The following FASTKD1 variants were observed in gnomAD, a reference collection of about 807,000 sequenced individuals.
FASTKD1 encodes FAST kinase domains 1.
In FASTKD1, 94 loss-of-function variants were observed where a neutral mutation model predicts 90.9. That is an observed-to-expected ratio of 1.03 (90% CI 0.88 to 1.23). The LOEUF is 1.23. FASTKD1 is among the 50% of genes most tolerant of loss of function. The pLI is 0.00. For missense variants in FASTKD1, 945 were observed against 993.5 expected, an observed-to-expected ratio of 0.95 and a Z score of 0.66; for synonymous variants, 319 against 345.8, an observed-to-expected ratio of 0.92 and a Z score of 0.86.
intron 5 of FASTKD1, among the ~76,000 whole-genome samples, chr2:169,558,226 C>CA (rs1216896161): frequency 1.3e-5 from 2 of 152,046 alleles, no homozygotes; most frequent in African/African-American, 4.8e-5. Context: ...TACTTGGTGA[C>CA]AAAAAACGGT....
intron 2 of FASTKD1, among the ~76,000 whole-genome samples, chr2:169,569,879 A>G (rs895911569): frequency 6.6e-6 from 1 of 152,172 alleles, no homozygotes; most frequent in African/African-American, 2.4e-5. Context: ...TATTTTTATA[A>G]GAAAATGTTT....
chr2:169,558,759 T>C (rs1170525779), intron 5 of FASTKD1, among the ~76,000 whole-genome samples: 1 of 151,568 alleles, frequency 6.6e-6, no homozygotes, highest in African/African-American at 2.4e-5. Flanking sequence ...CCCTTTTTTT[T>C]TGTATTTTTA....
At chr2:169,558,151 A>C (rs1282125095) in intron 5 of FASTKD1, among the ~76,000 whole-genome samples, 1 of 152,238 alleles carries the variant, frequency 6.6e-6, no homozygotes, top group Admixed American at 6.5e-5. Flanking sequence ...TGCAATATAA[A>C]TTCCTTGAAG....
rs149861551 is a variant in FASTKD1 at position 169,560,627 on chromosome 2, C to A, written c.731G>T (p.Arg244Leu). Residue 244 changes from arginine to leucine, a missense_variant, in exon 5 of 15, where the codon CGT becomes CTT. Physicochemically the swap from Arg to Leu is moderately radical, Grantham distance 102. Coordinates refer to ENST00000453153, the MANE Select transcript of FASTKD1 (RefSeq NM_024622.6). The part of the protein sequence containing the change: ...IAKFLRNVRY[R>L]YQPLLERCNN... ...ACATCTTTCTAATAGTGGTTGATAA[C>A]GATATCTAACATTTCGAAGAAACTT... 2 of 1,612,336 alleles carry A rather than the reference C, an allele frequency of 1.2e-6. No homozygotes were observed. The highest frequency in any genetic ancestry group is 2.7e-5 in the African/African-American group (2 of 74,794).
intron 12 of FASTKD1, among the ~76,000 whole-genome samples, chr2:169,536,825 T>C (rs906247041): frequency 2.6e-5 from 4 of 152,200 alleles, no homozygotes; most frequent in Non-Finnish European, 4.4e-5. Context: ...TCCAGGCTGA[T>C]AGACCAACTT....
At chr2:169,543,130 G>A (rs1354485748) in intron 9 of FASTKD1, among the ~76,000 whole-genome samples, 2 of 152,070 alleles carry the variant, frequency 1.3e-5, no homozygotes, top group African/African-American at 2.4e-5. Flanking sequence ...AAGCAAAAAA[G>A]ATGGAGGAAA....
chr2:169,562,042 G>GTAAATTAATTATTTATTAATTTATTT (rs1683700472), intron 4 of FASTKD1, among the ~76,000 whole-genome samples: 1 of 95,946 alleles, frequency 1.0e-5, no homozygotes, highest in Non-Finnish European at 2.1e-5. Flanking sequence ...TTAATTTATT[G>GTAAATTAATTATTTATTAATTTATTT]TAAATTAATT....
chr2:169,561,697 A>G (rs1410147121), intron 4 of FASTKD1, among the ~76,000 whole-genome samples: 1 of 147,838 alleles, frequency 6.8e-6, no homozygotes, highest in African/African-American at 2.4e-5. Flanking sequence ...ATTATAAATT[A>G]TTAATCTATT....
chr2:169,557,200 A>G lies in FASTKD1; in HGVS notation c.1069T>C (p.Cys357Arg), dbSNP rs1404539576. The change falls in exon 6 of 15, where the codon TGT becomes CGT. Residue 357 changes from cysteine to arginine, a missense_variant. By Grantham distance (180) the Cys-to-Arg change is radical (BLOSUM62 -3). Coordinates refer to ENST00000453153, the MANE Select transcript of FASTKD1 (RefSeq NM_024622.6). ...CAGAAAAGATACCTTTTAATCAGAC[A>G]TGAGTTTCTGCTTTCCATATCTCCC... is the stretch of plus-strand genomic sequence containing the variant. Reference protein sequence around the residue: ...AMGDMESRNSCLIKRVTSVLH... With the variant: ...AMGDMESRNSRLIKRVTSVLH... 6 of 1,607,276 alleles carry G rather than the reference A, an allele frequency of 3.7e-6. No homozygotes were observed. Among genetic ancestry groups the G allele is most frequent in the Non-Finnish European group, 3.4e-6 (4 of 1,174,366 alleles).
At chr2:169,548,689 GCCACTGCACT>G (rs1685335345) in intron 7 of FASTKD1, among the ~76,000 whole-genome samples, 1 of 108,468 alleles carries the variant, frequency 9.2e-6, no homozygotes, top group Non-Finnish European at 1.7e-5. Context: ...CCGAGATCAC[GCCACTGCACT>G]CCAGCCTGGG....
At chr2:169,562,062 T>G (rs1683707256) in intron 4 of FASTKD1, among the ~76,000 whole-genome samples, 1 of 131,778 alleles carries the variant, frequency 7.6e-6, no homozygotes, top group Admixed American at 8.2e-5. Flanking sequence ...TATTTATTAA[T>G]TTATTGTAAA....
intron 3 of FASTKD1, among the ~76,000 whole-genome samples, chr2:169,564,393 T>A (rs1559159342): frequency 6.6e-6 from 1 of 152,012 alleles, no homozygotes; most frequent in Non-Finnish European, 1.5e-5. Context: ...TAGGCTCAAG[T>A]GATCCTCCAA....
At chr2:169,542,740 T>C (rs1440282144) in intron 9 of FASTKD1, among the ~76,000 whole-genome samples, 1 of 152,182 alleles carries the variant, frequency 6.6e-6, no homozygotes, top group East Asian at 1.9e-4. Context: ...TTTTAAGAGA[T>C]GCAAAATAAT....
chr2:169,563,321 G>A lies in FASTKD1; in HGVS notation c.476C>T (p.Ser159Phe). The change falls in exon 4 of 15, where the codon TCC (serine) becomes TTC (phenylalanine). Residue 159 changes from serine to phenylalanine, a missense_variant. Ser to Phe is a radical substitution (Grantham distance 155). Transcript: ENST00000453153. ...CAAATGCTGATCTGCTAGGCAAGAG[G>A]AAAATTCTGAGAGCAGTTTAATATC... ...RFDIKLLSEF[S>F]SCLADQHLYF... 6.2e-7 allele frequency: 1 copy of A among 1,607,524 alleles called. No homozygotes were observed. The highest frequency in any genetic ancestry group is 8.5e-7 in the Non-Finnish European group (1 of 1,174,854).
At chr2:169,558,598 C>A (rs112128072) in intron 5 of FASTKD1, among the ~76,000 whole-genome samples, 8 of 151,712 alleles carry the variant, frequency 5.3e-5, no homozygotes, top group Non-Finnish European at 8.8e-5. Context: ...TACAGGTGCC[C>A]ACCACCACGC....
chr2:169,571,703 G>C lies in FASTKD1; in HGVS notation c.327C>G (p.Phe109Leu). The C allele has an allele frequency of 1.2e-6, 2 of 1,611,488 alleles. No homozygotes were observed. Among genetic ancestry groups the C allele is most frequent in the Non-Finnish European group, 8.5e-7 (1 of 1,177,856 alleles). The change falls in exon 2 of 15, where the codon TTC (phenylalanine) becomes TTG (leucine). Residue 109 changes from phenylalanine to leucine, a missense_variant. Physicochemically the swap from Phe to Leu is conservative, Grantham distance 22. Transcript: ENST00000453153. ...LTLHNLATNK[F>L]KLMNDDTLVN... ...CCAGGGTATCGTCATTCATTAATTT[G>C]AATTTATTTGTAGCTAAATTATGAA... is the stretch of plus-strand genomic sequence containing the variant.
At position 169,544,794 on chromosome 2, in the gene FASTKD1, G is replaced by A. The variant is rs749757992; in HGVS notation, c.1743C>T (p.Ser581=). ...TTTGAGGTGGATCATAGTTCAATAC[G>A]CTGAATGGACGAATAATAGCAGGGA... is the stretch of plus-strand genomic sequence containing the variant. ...FTIPAIIRPF[S]VLNYDPPQRD... The change falls in exon 9 of 15, where the codon AGC becomes AGT. Residue 581 remains serine (S), a synonymous_variant. Transcript: ENST00000453153. 17 of 1,612,130 alleles carry A rather than the reference G, an allele frequency of 1.1e-5. No homozygotes were observed. The highest frequency in any genetic ancestry group is 3.3e-5 in the South Asian group (3 of 90,968).
chr2:169,530,028 T>A (rs1233134869), intron 14 of FASTKD1, 102 bp from the exon 15 acceptor site: 1 of 798,330 alleles, frequency 1.3e-6, no homozygotes, highest in Non-Finnish European at 2.0e-6. Context: ...AGGAATCCTA[T>A]GAAATTAGTT....
chr2:169,543,753 T>C (rs895184380), intron 9 of FASTKD1, among the ~76,000 whole-genome samples: 1 of 152,020 alleles, frequency 6.6e-6, no homozygotes, highest in African/African-American at 2.4e-5. Flanking sequence ...ATTATACAGA[T>C]GTTTGTTGTA....
Sources: gnomAD v4.1 joint callset for allele counts (sites outside exome capture counted in the v4.1 genomes callset) on GRCh38, gnomAD v4.1.1 for gene constraint, MANE v1.5 for transcripts, NCBI Gene and HGNC (gene_info 2026-07-23, HGNC 2026-07-21) for gene names.